DNM3: variants seen among roughly 807,000 people sequenced by gnomAD.
The protein encoded by DNM3 is dynamin 3.
A neutral mutation model predicts 101.6 loss-of-function variants in DNM3; 47 were observed. The observed-to-expected ratio is 0.46, with a 90% CI of 0.37 to 0.59. DNM3 has a LOEUF of 0.59. Among genes scored for constraint, DNM3 ranks in the 20% least tolerant of loss-of-function variants. The pLI is 0.00. For synonymous variants in DNM3, 385 were observed against 387.9 expected, an observed-to-expected ratio of 0.99 and a Z score of 0.09; for missense variants, 849 against 1,085.7, an observed-to-expected ratio of 0.78 and a Z score of 3.06.
chr1:172,379,523 A>G (rs1049667284), intron 18 of DNM3, among the ~76,000 whole-genome samples: 7 of 152,050 alleles, frequency 4.6e-5, no homozygotes, highest in African/African-American at 1.4e-4. Context: ...TGGCTCCTAG[A>G]CTTTGAGACT....
chr1:172,154,994 C>A (rs535857159), intron 14 of DNM3, among the ~76,000 whole-genome samples: 1 of 151,984 alleles, frequency 6.6e-6, no homozygotes, highest in Non-Finnish European at 1.5e-5. Context: ...ATGAGTAAGG[C>A]AGATGAGAGG....
At chr1:171,847,024 C>T (rs984849928) in intron 1 of DNM3, among the ~76,000 whole-genome samples, 1 of 152,124 alleles carries the variant, frequency 6.6e-6, no homozygotes, top group African/African-American at 2.4e-5. Flanking sequence ...AGCTGGGATT[C>T]AGTATGACTC....
At chr1:171,967,059 A>T (rs920824710) in intron 2 of DNM3, among the ~76,000 whole-genome samples, 1 of 151,864 alleles carries the variant, frequency 6.6e-6, no homozygotes, top group Non-Finnish European at 1.5e-5. Context: ...TGAGCCCTGA[A>T]CCCTAGACCT....
At chr1:172,190,303 G>C (rs2148433543) in intron 14 of DNM3, among the ~76,000 whole-genome samples, 1 of 152,038 alleles carries the variant, frequency 6.6e-6, no homozygotes, top group African/African-American at 2.4e-5. Context: ...CAGAATGATG[G>C]TATCCAGCTC....
At chr1:171,919,098 G>A (rs1380492279) in intron 1 of DNM3, among the ~76,000 whole-genome samples, 1 of 151,956 alleles carries the variant, frequency 6.6e-6, no homozygotes, top group Non-Finnish European at 1.5e-5. Flanking sequence ...TTTCACTCAT[G>A]GTCCTCACGG....
At chr1:171,882,461 ACACG>A (rs767901493) in intron 1 of DNM3, among the ~76,000 whole-genome samples, 1 of 145,770 alleles carries the variant, frequency 6.9e-6, no homozygotes, top group Non-Finnish European at 1.5e-5. Context: ...ACACACACAC[ACACG>A]CACCATTTAA....
chr1:171,960,474 G>T (rs1351634830), intron 2 of DNM3, among the ~76,000 whole-genome samples: 1 of 152,168 alleles, frequency 6.6e-6, no homozygotes, highest in African/African-American at 2.4e-5. Flanking sequence ...TAGTACATTT[G>T]CAGAACAAGA....
chr1:172,069,669 A>G (rs2125938351), intron 11 of DNM3, among the ~76,000 whole-genome samples: 1 of 152,362 alleles, frequency 6.6e-6, no homozygotes, highest in Non-Finnish European at 1.5e-5. Context: ...GAATTCCATG[A>G]CACAGCTGCA....
intron 14 of DNM3, chr1:172,133,171 A>G: frequency 7.6e-7 from 1 of 1,317,372 alleles, no homozygotes; most frequent in Non-Finnish European, 9.6e-7. Flanking sequence ...GTGTGGCATT[A>G]GTCTGGCTCT....
At chr1:172,272,134 C>G (rs1035214382) in intron 15 of DNM3, among the ~76,000 whole-genome samples, 2 of 152,038 alleles carry the variant, frequency 1.3e-5, no homozygotes, top group Non-Finnish European at 2.9e-5. Flanking sequence ...AAAACAGCAT[C>G]TGCTTCACCT....
intron 2 of DNM3, among the ~76,000 whole-genome samples, chr1:171,965,368 C>A (rs1423043849): frequency 6.6e-6 from 1 of 150,958 alleles, no homozygotes; most frequent in East Asian, 1.9e-4. Context: ...CATGGCAAGA[C>A]CCTGTGTCTA....
Position 172,408,981 on chromosome 1 carries a change from T to C in DNM3, c.*1140T>C, listed in dbSNP as rs1421964382. The stretch of plus-strand genomic sequence containing the variant: ...CAGTTGCAGTATTTCAAAGTCCCTA[T>C]CCAGGTCACTCCAGAAAAGGGTATT... On this transcript the variant is annotated 3_prime_UTR_variant, in exon 21 of 21. Transcript: ENST00000627582. The C allele has an allele frequency of 2.0e-6, 2 of 985,370 alleles. No individual in the cohort carries two copies. Among genetic ancestry groups the C allele is most frequent in the Non-Finnish European group, 2.4e-6 (2 of 829,892 alleles). The allele number at this position is 985,370 out of a possible 1,614,324, so 61.0% of individuals were successfully genotyped here. A position where few individuals can be genotyped will look rare whatever the true frequency, so the allele number is the denominator to read the frequency against.
At chr1:171,912,028 A>G (rs6425479) in intron 1 of DNM3, among the ~76,000 whole-genome samples, 100,408 of 151,898 alleles carry the variant, frequency 0.66, 33,394 homozygotes, top group South Asian at 0.76. Context: ...TGTTTCCAGG[A>G]TTGGAAAGGG....
chr1:171,958,422 G>A (rs1476804729), intron 2 of DNM3, among the ~76,000 whole-genome samples: 1 of 152,214 alleles, frequency 6.6e-6, no homozygotes, highest in Non-Finnish European at 1.5e-5. Flanking sequence ...GTGTTTGGGA[G>A]AACAAGGAAA....
At chr1:172,017,737 G>A (rs1039992778) in intron 4 of DNM3, among the ~76,000 whole-genome samples, 6 of 152,054 alleles carry the variant, frequency 3.9e-5, no homozygotes, top group East Asian at 1.9e-4. Context: ...TTTTTAGTTC[G>A]ACTATGTCCT....
chr1:172,033,713 C>G (rs2048770539), intron 6 of DNM3, among the ~76,000 whole-genome samples: 1 of 152,104 alleles, frequency 6.6e-6, no homozygotes, highest in Non-Finnish European at 1.5e-5. Context: ...TTAAAATCTT[C>G]AGAATCACAA....
At chr1:172,169,308 G>A (rs1199778667) in intron 14 of DNM3, among the ~76,000 whole-genome samples, 1 of 151,840 alleles carries the variant, frequency 6.6e-6, no homozygotes, top group East Asian at 1.9e-4. Flanking sequence ...TTTGCCACTT[G>A]GGCTCCTAAT....
chr1:172,088,519 C>T (rs563903225), intron 12 of DNM3, among the ~76,000 whole-genome samples: 2 of 152,182 alleles, frequency 1.3e-5, no homozygotes, highest in African/African-American at 4.8e-5. Flanking sequence ...CCATAACTGG[C>T]CCCAACGTAC....
chr1:172,251,927 T>C (rs1346629323), intron 14 of DNM3, among the ~76,000 whole-genome samples: 3 of 152,192 alleles, frequency 2.0e-5, no homozygotes, highest in Admixed American at 2.0e-4. Context: ...TAGAATTCTG[T>C]CCTAAAATAG....
Sources: allele counts gnomAD v4.1 joint callset (sites outside exome capture counted in the v4.1 genomes callset), GRCh38; gene constraint gnomAD v4.1.1; transcripts MANE v1.5; gene names NCBI Gene and HGNC (gene_info 2026-07-23, HGNC 2026-07-21).